MAST4: variants seen among roughly 807,000 people sequenced by gnomAD.
MAST4 encodes microtubule-associated serine/threonine-protein kinase 4.
Under a neutral mutation model 162.7 loss-of-function variants are expected in MAST4, and 89 were observed. The ratio of observed to expected loss-of-function variants is 0.55; its 90% CI spans 0.46 to 0.65. The LOEUF is 0.65. MAST4 is among the 30% of genes least tolerant of loss of function. The probability of loss-of-function intolerance (pLI) is 0.00; values close to 1 mark genes in which losing one functional copy is unlikely to be tolerated. For missense variants in MAST4, 3,153 were observed against 3,374.0 expected (o/e 0.93, Z 1.62); for synonymous variants, 1,479 against 1,361.1 (o/e 1.09, Z -1.91).
At position 67,153,600 on chromosome 5, in the gene MAST4, A is replaced by G. The variant is rs1477447291; in HGVS notation, c.3648+20A>G. The G allele has an allele frequency of 6.4e-7, 1 of 1,553,026 alleles. No individual in the cohort carries two copies. On this transcript the variant is annotated intron_variant, in intron 26 of 28. Transcript: ENST00000403625. ...CTGAAGGTATTGTATGTTTTATGTCAGGGCCATGCTGATGAGACAGGCAGC... is the reference window on the plus strand; with the variant it reads ...CTGAAGGTATTGTATGTTTTATGTCGGGGCCATGCTGATGAGACAGGCAGC...
At chr5:66,718,329 T>TGC (rs1750982787) in intron 1 of MAST4, among the ~76,000 whole-genome samples, 1 of 152,076 alleles carries the variant, frequency 6.6e-6, no homozygotes, top group Non-Finnish European at 1.5e-5. Flanking sequence ...AGTTATGATG[T>TGC]CATCTTGCTC....
intron 17 of MAST4, 95 bp downstream of exon 17, chr5:67,133,741 G>C (rs144806804): frequency 1.5e-6 from 2 of 1,363,594 alleles, no homozygotes; most frequent in East Asian, 2.4e-5. Flanking sequence ...CTTCACATTA[G>C]TGCTGGTGGT....
intron 19 of MAST4, among the ~76,000 whole-genome samples, chr5:67,140,451 G>T (rs944166085): frequency 2.6e-5 from 4 of 152,244 alleles, no homozygotes; most frequent in African/African-American, 4.8e-5. Flanking sequence ...GAACAGCCAC[G>T]TGAGTTGGCT....
chr5:67,165,674 C>T lies in MAST4; in HGVS notation c.6495C>T (p.Ala2165=), dbSNP rs1773828374. Residue 2165 remains alanine, a synonymous_variant, in exon 29 of 29, where the codon GCC becomes GCT. Transcript: ENST00000403625. The part of the protein sequence containing the change: ...PSHASGREPG[A]KPSTAEPSSS... ...ACGCTTCTGGCAGAGAGCCGGGGGC[C>T]AAGCCCAGCACTGCAGAGCCCAGCT... 6.3e-7 allele frequency: 1 copy of T among 1,593,170 alleles called. No individual in the cohort carries two copies. The highest frequency in any genetic ancestry group is 8.5e-7 in the Non-Finnish European group (1 of 1,170,396).
chr5:66,769,713 C>T lies in MAST4; in HGVS notation c.517+9851C>T, dbSNP rs1271899425. On this transcript the variant is annotated intron_variant, in intron 2 of 28. Transcript: ENST00000403625. Reference sequence around the variant, plus strand: ...AATATTATCCTGTTACAGGACCGCCCTCCTATGTGTAGTCCATTGTTGACC... The same window carrying T: ...AATATTATCCTGTTACAGGACCGCCTTCCTATGTGTAGTCCATTGTTGACC... Among the ~76,000 whole-genome samples the T allele has an allele frequency of 5.3e-5, 8 of 152,330 alleles. No individual in the cohort carries two copies. The East Asian group carries it at 9.6e-4, about 18-fold the overall frequency.
intron 4 of MAST4, among the ~76,000 whole-genome samples, chr5:66,916,001 A>G (rs1441371871): frequency 6.6e-6 from 1 of 152,252 alleles, no homozygotes; most frequent in Non-Finnish European, 1.5e-5. Flanking sequence ...AGCAGCCACT[A>G]GCCACATGTG....
intron 9 of MAST4, 61 bp downstream of exon 9, chr5:67,102,672 C>G (rs1765156630): frequency 3.6e-6 from 5 of 1,372,916 alleles, no homozygotes; most frequent in Non-Finnish European, 5.2e-6. Context: ...GGTTTAGAGT[C>G]TGTAAGGTTG....
At chr5:66,993,932 A>AC (rs1750340441) in intron 4 of MAST4, among the ~76,000 whole-genome samples, 1 of 19,908 alleles carries the variant, frequency 5.0e-5, no homozygotes, top group Non-Finnish European at 9.6e-5. Context: ...CCCCCCCCCC[A>AC]CCCCACCAAA....
chr5:66,678,830 C>T (rs1236811534), intron 1 of MAST4, among the ~76,000 whole-genome samples: 3 of 150,254 alleles, frequency 2.0e-5, no homozygotes, highest in Non-Finnish European at 3.0e-5. Flanking sequence ...CTCACTCTGT[C>T]GCCCAGGCTA....
intron 10 of MAST4, 121 bp downstream of exon 10, chr5:67,104,696 G>GA: frequency 1.9e-4 from 96 of 513,680 alleles, no homozygotes; most frequent in South Asian, 5.9e-4. Context: ...CAAAAAAGAA[G>GA]GAAAAAAAAA....
chr5:66,911,632 A>G (rs9686761), intron 4 of MAST4, among the ~76,000 whole-genome samples: 4,858 of 133,874 alleles, frequency 0.036, 157 homozygotes, highest in African/African-American at 0.085. Flanking sequence ...GCTACTAGGG[A>G]GGCTGAGGCT....
intron 3 of MAST4, among the ~76,000 whole-genome samples, chr5:66,897,282 T>C (rs186721269): frequency 1.8e-4 from 28 of 152,300 alleles, no homozygotes; most frequent in African/African-American, 6.0e-4. Flanking sequence ...CCACGTCTTA[T>C]CTAATTATCT....
rs141948103 is a variant in MAST4 at position 67,142,974 on chromosome 5, G to T, written c.2730+441G>T. The T allele has an allele frequency of 7.6e-3, 1,214 of 159,810 alleles. 18 individuals are homozygous for T. Among genetic ancestry groups the T allele is most frequent in the African/African-American group, 0.028 (1,148 of 41,634 alleles). The allele number at this position is 159,810 out of a possible 1,614,324, so 9.9% of individuals were successfully genotyped here. ...CCTGGCTCAATGCCAGGCTGCAGAGGTATCACTCATTGCTTTCAACTCAGG... is the reference window on the plus strand; with the variant it reads ...CCTGGCTCAATGCCAGGCTGCAGAGTTATCACTCATTGCTTTCAACTCAGG... On this transcript the variant is annotated intron_variant, in intron 21 of 28. Transcript: ENST00000403625.
rs567661791 is a variant in MAST4 at position 66,776,951 on chromosome 5, A to G, written c.518-11719A>G. 1.6e-4 allele frequency among the ~76,000 whole-genome samples: 25 copies of G among 152,256 alleles called. No homozygotes were observed. In the South Asian group the frequency reaches 2.3e-3, roughly 14 times the overall value. ...AATCCTGCTTGTGGATTCAATGCCA[A>G]TGGTGCCAGAATCGGTAAAAGCATC... On this transcript the variant is annotated intron_variant, in intron 2 of 28. Coordinates refer to ENST00000403625, the MANE Select transcript of MAST4 (RefSeq NM_001164664.2).
intron 1 of MAST4, among the ~76,000 whole-genome samples, chr5:66,682,403 G>C (rs556593139): frequency 2.2e-4 from 34 of 152,250 alleles, no homozygotes; most frequent in Non-Finnish European, 4.4e-4. Flanking sequence ...CATGAAAGGT[G>C]CTGTGTCAGT....
chr5:66,969,149 C>G (rs914862552), intron 4 of MAST4, among the ~76,000 whole-genome samples: 1 of 152,176 alleles, frequency 6.6e-6, no homozygotes, highest in Non-Finnish European at 1.5e-5. Flanking sequence ...TTCAGTGAGT[C>G]TGTGTTCCTT....
intron 1 of MAST4, among the ~76,000 whole-genome samples, chr5:66,727,682 CT>C (rs34247284): frequency 7.2e-5 from 11 of 152,120 alleles, no homozygotes; most frequent in Middle Eastern, 3.4e-3. Context: ...ATTTATGTGG[CT>C]TTTTTGGAGG....
At chr5:66,643,221 C>T (rs1214780121) in intron 1 of MAST4, among the ~76,000 whole-genome samples, 2 of 152,082 alleles carry the variant, frequency 1.3e-5, no homozygotes, top group Non-Finnish European at 2.9e-5. Context: ...CATAAAATGT[C>T]GGGAACCATA....
At position 66,651,349 on chromosome 5, in the gene MAST4, A is replaced by AT. The variant is rs1048013000; in HGVS notation, c.363+54338dup. Among the ~76,000 whole-genome samples the AT allele has an allele frequency of 2.2e-4, 34 of 152,000 alleles. 1 individual carries two copies. The highest frequency in any genetic ancestry group is 9.8e-4 in the Admixed American group (15 of 15,246). On this transcript the variant is annotated intron_variant, in intron 1 of 28. Transcript: ENST00000403625. ...TAGTGGATTGCTACTTTATCGTTTG[A>AT]TTTTTTTATACTTTTCCCCCTGAGG...
Sources: gnomAD v4.1 joint callset for allele counts (sites outside exome capture counted in the v4.1 genomes callset) on GRCh38, gnomAD v4.1.1 for gene constraint, MANE v1.5 for transcripts, NCBI Gene and HGNC (gene_info 2026-07-23, HGNC 2026-07-21) for gene names.